EZR: variants seen among roughly 807,000 people sequenced by gnomAD.
EZR encodes the protein ezrin.
In EZR, 40 loss-of-function variants were observed where a neutral mutation model predicts 74.8. The ratio of observed to expected loss-of-function variants is 0.53; its 90% CI spans 0.42 to 0.70. EZR has a LOEUF of 0.70. Among genes scored for constraint, EZR ranks in the 30% least tolerant of loss-of-function variants. The pLI is 0.00. For synonymous variants in EZR, 341 were observed against 283.3 expected (o/e 1.20, Z -2.05); for missense variants, 678 against 755.8 (o/e 0.90, Z 1.21).
At chr6:158,816,915 CT>C (rs1562510308) in intron 2 of EZR, among the ~76,000 whole-genome samples, 2 of 151,974 alleles carry the variant, frequency 1.3e-5, no homozygotes, top group Non-Finnish European at 2.9e-5. Context: ...GTGAAACCCC[CT>C]CTCTATAAAA....
At chr6:158,800,614 A>C (rs1048440597) in intron 2 of EZR, among the ~76,000 whole-genome samples, 5 of 152,204 alleles carry the variant, frequency 3.3e-5, no homozygotes, top group African/African-American at 1.2e-4. Context: ...CAGCCTGGCC[A>C]ACATGGCGAA....
At chr6:158,805,867 C>T (rs566952151) in intron 2 of EZR, among the ~76,000 whole-genome samples, 101 of 152,314 alleles carry the variant, frequency 6.6e-4, no homozygotes, top group African/African-American at 2.4e-3. Flanking sequence ...TTCCTTCCCC[C>T]ATCCCTGCCC....
At chr6:158,792,449 T>C (rs1287630035) in intron 2 of EZR, among the ~76,000 whole-genome samples, 1 of 152,192 alleles carries the variant, frequency 6.6e-6, no homozygotes, top group Non-Finnish European at 1.5e-5. Context: ...TGACTGTGCC[T>C]GGCCTGAAAA....
intron 2 of EZR, among the ~76,000 whole-genome samples, chr6:158,797,872 A>G (rs908493815): frequency 4.6e-5 from 7 of 152,346 alleles, no homozygotes; most frequent in Non-Finnish European, 7.3e-5. Context: ...AAAATGTATA[A>G]TTCAGTGGTT....
intron 2 of EZR, among the ~76,000 whole-genome samples, chr6:158,795,472 A>G (rs1047881703): frequency 2.6e-5 from 4 of 152,172 alleles, no homozygotes; most frequent in African/African-American, 9.7e-5. Context: ...GCTCGAACTT[A>G]CTATACTACA....
chr6:158,787,037 C>T (rs946522909), intron 4 of EZR, 71 bp downstream of exon 4: 1 of 1,236,990 alleles, frequency 8.1e-7, no homozygotes, highest in East Asian at 2.4e-5. Context: ...GGGTGAGTTG[C>T]TCCAGTTTCC....
chr6:158,818,231 C>T, intron 1 of EZR, 65 bp from the exon 2 acceptor site: 1 of 864,370 alleles, frequency 1.2e-6, no homozygotes, highest in Non-Finnish European at 1.7e-6. Flanking sequence ...CCGCGCCCGA[C>T]ACTCGGCGCC....
chr6:158,798,414 T>C (rs1362168462), intron 2 of EZR, among the ~76,000 whole-genome samples: 1 of 152,226 alleles, frequency 6.6e-6, no homozygotes, highest in Non-Finnish European at 1.5e-5. Flanking sequence ...ATGAAAATAT[T>C]CTATGTTCTT....
chr6:158,776,110 G>A (rs55988727), intron 8 of EZR, among the ~76,000 whole-genome samples: 19,526 of 152,244 alleles, frequency 0.13, 1,347 homozygotes, highest in African/African-American at 0.14. Flanking sequence ...CCTGCACCCA[G>A]GTGGTCAAGG....
intron 2 of EZR, among the ~76,000 whole-genome samples, chr6:158,814,863 C>G (rs1583592646): frequency 6.6e-6 from 1 of 152,070 alleles, no homozygotes; most frequent in African/African-American, 2.4e-5. Context: ...GTAACTGTTG[C>G]TTTTGGGAAA....
At chr6:158,798,237 T>C (rs528359036) in intron 2 of EZR, among the ~76,000 whole-genome samples, 1 of 131,256 alleles carries the variant, frequency 7.6e-6, no homozygotes, top group South Asian at 2.5e-4. Flanking sequence ...TGATGGACAT[T>C]TAACTTGCTC....
chr6:158,769,361 G>A lies in EZR; in HGVS notation c.1309C>T (p.Arg437Cys), dbSNP rs748310556. 37 of 1,609,414 alleles carry A rather than the reference G, an allele frequency of 2.3e-5. No homozygotes were observed. The highest frequency in any genetic ancestry group is 2.0e-4 in the African/African-American group (15 of 74,936). Residue 437 changes from arginine to cysteine, a missense_variant, in exon 12 of 14, where the codon CGC (arginine) becomes TGC (cysteine). By Grantham distance (180) the Arg-to-Cys change is radical. Coordinates refer to ENST00000367075, the MANE Select transcript of EZR (RefSeq NM_001111077.2). ...KIALLEEARR[R>C]KEDEVEEWQH... Reference sequence around the variant, plus strand: ...CACTCTTCAACTTCATCCTCCTTGCGCCTCCGCGCCTCTTCCAGGAGGGCA... The same window carrying A: ...CACTCTTCAACTTCATCCTCCTTGCACCTCCGCGCCTCTTCCAGGAGGGCA...
chr6:158,803,554 TATATATATATATATATATATATATATAC>T (rs1777242513), intron 2 of EZR, among the ~76,000 whole-genome samples: 17 of 3,258 alleles, frequency 5.2e-3, no homozygotes, highest in Admixed American at 8.1e-3. Context: ...TGTATATATA[TATATATATATATATATATATATATATAC>T]ATATATATAT....
chr6:158,773,169 C>A (rs926444942), intron 8 of EZR, among the ~76,000 whole-genome samples: 1 of 152,218 alleles, frequency 6.6e-6, no homozygotes, highest in African/African-American at 2.4e-5. Context: ...TTAGCACCAA[C>A]TCCCCTTTAT....
chr6:158,811,800 G>A (rs774712947), intron 2 of EZR, among the ~76,000 whole-genome samples: 13 of 151,708 alleles, frequency 8.6e-5, no homozygotes, highest in South Asian at 2.1e-4. Flanking sequence ...GGTGGGGGCC[G>A]GGGCACTGAG....
intron 8 of EZR, among the ~76,000 whole-genome samples, chr6:158,773,639 G>A (rs3102973): frequency 0.12 from 18,009 of 152,260 alleles, 1,107 homozygotes; most frequent in Middle Eastern, 0.15. Context: ...CAGGATGCCA[G>A]GAAACTCTCC....
chr6:158,780,039 C>T (rs757531188), intron 7 of EZR, among the ~76,000 whole-genome samples: 8 of 152,004 alleles, frequency 5.3e-5, no homozygotes, highest in Non-Finnish European at 1.2e-4. Context: ...AAAAATTAGC[C>T]AGGAGTGGTG....
rs575634267 is a variant in EZR, at chr6:158,812,102, T to A, written c.12+5980A>T. Among the ~76,000 whole-genome samples, 9 of 152,270 alleles carry A rather than the reference T, an allele frequency of 5.9e-5. No individual in the cohort carries two copies. In the South Asian group the frequency reaches 1.7e-3, roughly 28 times the overall value. On this transcript the variant is annotated intron_variant, in intron 2 of 13. Transcript: ENST00000367075. ...AGAGAAACTCAAGTCAGAAGAATATTATGTTGAATGGCCTGCCCAAGTATA... is the reference window on the plus strand; with the variant it reads ...AGAGAAACTCAAGTCAGAAGAATATAATGTTGAATGGCCTGCCCAAGTATA...
chr6:158,772,135 G>A (rs1012586998), intron 8 of EZR, among the ~76,000 whole-genome samples: 1 of 152,244 alleles, frequency 6.6e-6, no homozygotes, highest in Non-Finnish European at 1.5e-5. Flanking sequence ...TCGCCGCAGT[G>A]GCACTGTCAC....
Sources: allele counts gnomAD v4.1 joint callset (sites outside exome capture counted in the v4.1 genomes callset), GRCh38; gene constraint gnomAD v4.1.1; transcripts MANE v1.5; gene names NCBI Gene and HGNC (gene_info 2026-07-23, HGNC 2026-07-21).